Variants in SCAPER observed in about 807,000 individuals in gnomAD.
SCAPER encodes the protein S phase cyclin A-associated protein in the endoplasmic reticulum.
SCAPER carries 98 observed loss-of-function variants against 182.2 expected under a neutral mutation model. That is an observed-to-expected ratio of 0.54 (90% CI 0.46 to 0.64). SCAPER has a LOEUF of 0.64. SCAPER is among the 30% of genes least tolerant of loss of function. The probability of loss-of-function intolerance (pLI) is 0.00; values close to 1 mark genes in which losing one functional copy is unlikely to be tolerated. For missense variants in SCAPER, 1,432 were observed against 1,690.0 expected (o/e 0.85, Z 2.68); for synonymous variants, 605 against 564.6 (o/e 1.07, Z -1.01).
At chr15:76,893,223 G>A (rs1007018933) in intron 1 of SCAPER, among the ~76,000 whole-genome samples, 9 of 152,042 alleles carry the variant, frequency 5.9e-5, no homozygotes, top group Admixed American at 6.6e-5. Context: ...AATACCTAAC[G>A]TAAATGACAA....
chr15:76,817,853 T>C (rs940088073), intron 5 of SCAPER, among the ~76,000 whole-genome samples: 13 of 152,212 alleles, frequency 8.5e-5, no homozygotes, highest in Admixed American at 1.3e-4. Flanking sequence ...AGATAATCCA[T>C]GGATAGGATG....
intron 29 of SCAPER, among the ~76,000 whole-genome samples, chr15:76,371,043 C>T (rs548140100): frequency 1.3e-5 from 2 of 152,218 alleles, no homozygotes; most frequent in African/African-American, 2.4e-5. Flanking sequence ...TCTTAAGCAA[C>T]GTAAGATGAA....
intron 5 of SCAPER, among the ~76,000 whole-genome samples, chr15:76,815,695 G>A (rs2067019382): frequency 6.6e-6 from 1 of 152,142 alleles, no homozygotes; most frequent in Admixed American, 6.5e-5. Flanking sequence ...ATTCTCATAG[G>A]AGCACAAACC....
chr15:76,766,927 A>C lies in SCAPER; in HGVS notation c.1410T>G (p.Ser470Arg). ...AAGTCTAAAAGCTCACAGAAAAATC[A>C]CTGTCGTTGTCAGTTTCAATGTTAA... ...NDINIETDND[S>R]DFSASMGSGS... Residue 470 changes from serine to arginine, a missense_variant, in exon 11 of 32, where the codon AGT becomes AGG. Transcript: ENST00000563290. 6.3e-7 allele frequency: 1 copy of C among 1,586,912 alleles called. No homozygotes were observed.
intron 14 of SCAPER, among the ~76,000 whole-genome samples, chr15:76,759,962 T>A (rs1172559138): frequency 6.6e-6 from 1 of 152,212 alleles, no homozygotes; most frequent in Non-Finnish European, 1.5e-5. Flanking sequence ...ATCAGAGTGA[T>A]GCTGGCCTCA....
chr15:76,806,829 T>C (rs2066196603), intron 5 of SCAPER, among the ~76,000 whole-genome samples: 1 of 152,232 alleles, frequency 6.6e-6, no homozygotes, highest in African/African-American at 2.4e-5. Flanking sequence ...GTTATTTTAA[T>C]GTAACTGCTT....
At chr15:76,822,228 T>C (rs2067630565) in intron 5 of SCAPER, among the ~76,000 whole-genome samples, 1 of 152,146 alleles carries the variant, frequency 6.6e-6, no homozygotes, top group African/African-American at 2.4e-5. Context: ...GTGTATGATA[T>C]TGATAATGGA....
At chr15:76,673,015 A>G (rs1224630473) in intron 20 of SCAPER, among the ~76,000 whole-genome samples, 3 of 152,192 alleles carry the variant, frequency 2.0e-5, no homozygotes, top group African/African-American at 7.2e-5. Flanking sequence ...CTGGATTATC[A>G]TCAGCCTTTT....
intron 26 of SCAPER, among the ~76,000 whole-genome samples, chr15:76,426,738 C>T (rs1395311861): frequency 1.3e-5 from 2 of 152,042 alleles, no homozygotes; most frequent in African/African-American, 2.4e-5. Context: ...AGAACCAAAA[C>T]AAAACACAGC....
intron 26 of SCAPER, among the ~76,000 whole-genome samples, chr15:76,412,953 T>C (rs1330816726): frequency 3.3e-5 from 5 of 152,216 alleles, no homozygotes; most frequent in Admixed American, 3.3e-4. Flanking sequence ...TTCATGAGAT[T>C]TACTCAGAGG....
At chr15:76,390,050 A>T (rs1264285964) in intron 27 of SCAPER, among the ~76,000 whole-genome samples, 3 of 151,924 alleles carry the variant, frequency 2.0e-5, no homozygotes, top group Non-Finnish European at 4.4e-5. Flanking sequence ...TTGAACTCGT[A>T]GGCTCAAGCA....
chr15:76,896,876 A>G (rs897597472), intron 1 of SCAPER, among the ~76,000 whole-genome samples: 2 of 152,092 alleles, frequency 1.3e-5, no homozygotes, highest in Middle Eastern at 6.3e-3. Context: ...AGCCCAGGAG[A>G]TAGAGGCTAC....
chr15:76,426,154 A>G (rs2046408671), intron 26 of SCAPER, among the ~76,000 whole-genome samples: 2 of 152,178 alleles, frequency 1.3e-5, no homozygotes, highest in Non-Finnish European at 2.9e-5. Flanking sequence ...AGACAGGGAC[A>G]TTTAAGTCTG....
intron 4 of SCAPER, among the ~76,000 whole-genome samples, chr15:76,857,155 G>C (rs1018903309): frequency 1.3e-5 from 2 of 152,176 alleles, no homozygotes; most frequent in African/African-American, 4.8e-5. Context: ...GCTGAGGGCT[G>C]AATGTGGTGG....
chr15:76,364,005 C>A (rs563753429), intron 29 of SCAPER, among the ~76,000 whole-genome samples: 1 of 152,242 alleles, frequency 6.6e-6, no homozygotes, highest in African/African-American at 2.4e-5. Context: ...ATATGGCATG[C>A]CCCAAACACA....
intron 5 of SCAPER, among the ~76,000 whole-genome samples, chr15:76,824,219 T>C (rs2067806182): frequency 6.6e-6 from 1 of 152,250 alleles, no homozygotes; most frequent in African/African-American, 2.4e-5. Context: ...GCTCTGAAAG[T>C]AATGTTATAG....
At chr15:76,830,536 T>C (rs2068374137) in intron 5 of SCAPER, among the ~76,000 whole-genome samples, 1 of 152,050 alleles carries the variant, frequency 6.6e-6, no homozygotes, top group South Asian at 2.1e-4. Flanking sequence ...GAGGTAATTC[T>C]GAAAGGAATT....
chr15:76,567,983 A>T (rs951701127), intron 23 of SCAPER, among the ~76,000 whole-genome samples: 2 of 152,026 alleles, frequency 1.3e-5, no homozygotes, highest in African/African-American at 4.8e-5. Flanking sequence ...ATCTTCTAAA[A>T]ATTAGTTTTT....
At chr15:76,833,970 T>C (rs1422461204) in intron 5 of SCAPER, among the ~76,000 whole-genome samples, 1 of 152,188 alleles carries the variant, frequency 6.6e-6, no homozygotes, top group Non-Finnish European at 1.5e-5. Flanking sequence ...TTAACAAAGA[T>C]ATTAAGGACC....
Sources: gnomAD v4.1 joint callset for allele counts (sites outside exome capture counted in the v4.1 genomes callset) on GRCh38, gnomAD v4.1.1 for gene constraint, MANE v1.5 for transcripts, NCBI Gene and HGNC (gene_info 2026-07-23, HGNC 2026-07-21) for gene names.